The following SNX19 variants were observed in gnomAD, a reference collection of about 807,000 sequenced individuals.
The protein encoded by SNX19 is sorting nexin 19.
A neutral mutation model predicts 85.2 loss-of-function variants in SNX19; 60 were observed. That is an observed-to-expected ratio of 0.70 (90% CI 0.57 to 0.87). The LOEUF (loss-of-function observed/expected upper bound fraction) is 0.87, where lower values mean the gene tolerates loss of function less well. Ranked by LOEUF, SNX19 falls within the 40% of genes least tolerant of loss-of-function variation. The probability of loss-of-function intolerance (pLI) is 0.00; values close to 1 mark genes in which losing one functional copy is unlikely to be tolerated. For missense variants in SNX19, 1,201 were observed against 1,217.8 expected (o/e 0.99, Z 0.21); for synonymous variants, 520 against 470.0 (o/e 1.11, Z -1.38).
chr11:130,899,583 T>C (rs1945123242), intron 8 of SNX19, among the ~76,000 whole-genome samples: 1 of 152,248 alleles, frequency 6.6e-6, no homozygotes, highest in Non-Finnish European at 1.5e-5. Flanking sequence ...AGGAGACTGC[T>C]AACCAGATGT....
intron 8 of SNX19, among the ~76,000 whole-genome samples, chr11:130,882,736 ATGACC>A (rs1280424978): frequency 6.6e-6 from 1 of 152,224 alleles, no homozygotes; most frequent in Non-Finnish European, 1.5e-5. Context: ...GGTGGCTGCA[ATGACC>A]TGATCGGCTT....
Position 130,874,913 on chromosome 11 carries a change from G to T in SNX19, c.*3509C>A, listed in dbSNP as rs1029043849. On this transcript the variant is annotated 3_prime_UTR_variant, in exon 11 of 11. Coordinates refer to ENST00000265909, the MANE Select transcript of SNX19 (RefSeq NM_014758.3). ...AAACTGGAACCCTTGTACATTGTTG[G>T]TGGGAATGTAAAATGGTCTAGTCAC... is the stretch of plus-strand genomic sequence containing the variant. 1.3e-5 allele frequency among the ~76,000 whole-genome samples: 2 copies of T among 152,208 alleles called. No individual in the cohort carries two copies. Among genetic ancestry groups the T allele is most frequent in the Non-Finnish European group, 2.9e-5 (2 of 68,030 alleles).
At chr11:130,889,607 G>T (rs1944357447) in intron 8 of SNX19, among the ~76,000 whole-genome samples, 1 of 152,064 alleles carries the variant, frequency 6.6e-6, no homozygotes, top group Non-Finnish European at 1.5e-5. Flanking sequence ...ATCTCATTCT[G>T]TTACGCTCCT....
Position 130,873,744 on chromosome 11 carries a change from G to T in SNX19, c.*4678C>A, listed in dbSNP as rs980209466. Among the ~76,000 whole-genome samples, 1 of 152,164 alleles carries T rather than the reference G, an allele frequency of 6.6e-6. No homozygotes were observed. The highest frequency in any genetic ancestry group is 1.5e-5 in the Non-Finnish European group (1 of 68,032). On this transcript the variant is annotated 3_prime_UTR_variant, in exon 11 of 11. Transcript: ENST00000265909. Reference sequence around the variant, plus strand: ...AAGACTTTAAGTAATGCTCTCAGAAGATGTTAACTATTAGCTGGTACCAGG... The same window carrying T: ...AAGACTTTAAGTAATGCTCTCAGAATATGTTAACTATTAGCTGGTACCAGG...
Position 130,915,342 on chromosome 11 carries a change from G to T in SNX19, c.598C>A (p.Pro200Thr). The T allele has an allele frequency of 6.2e-7, 1 of 1,614,210 alleles. No homozygotes were observed. The highest frequency in any genetic ancestry group is 8.5e-7 in the Non-Finnish European group (1 of 1,180,036). The change falls in exon 1 of 11, where the codon CCT (proline) becomes ACT (threonine). Residue 200 changes from proline to threonine, a missense_variant. Coordinates refer to ENST00000265909, the MANE Select transcript of SNX19 (RefSeq NM_014758.3). The part of the protein sequence containing the change: ...EAYCRATAPH[P>T]AVHSPSAEVT... ...TCAGCACTGGGGCTGTGCACAGCAG[G>T]ATGTGGGGCAGTCGCCCGGCAGTAA...
intron 5 of SNX19, among the ~76,000 whole-genome samples, chr11:130,907,684 G>C (rs1252261505): frequency 6.6e-6 from 1 of 152,194 alleles, no homozygotes; most frequent in African/African-American, 2.4e-5. Context: ...CTAGTCAAAA[G>C]AGAATATTCT....
At position 130,872,903 on chromosome 11, in the gene SNX19, A is replaced by C. The variant is rs1436157483; in HGVS notation, c.*5519T>G. 6.6e-6 allele frequency among the ~76,000 whole-genome samples: 1 copy of C among 152,154 alleles called. No homozygotes were observed. The highest frequency in any genetic ancestry group is 2.4e-5 in the African/African-American group (1 of 41,444). ...CAGTGCAAAGTTAGATTGGACAAAC[A>C]GCCGGTGTGGAGGGGGCTGTGGGAG... On this transcript the variant is annotated 3_prime_UTR_variant, in exon 11 of 11. Transcript: ENST00000265909.
chr11:130,891,674 A>G (rs1944505329), intron 8 of SNX19, among the ~76,000 whole-genome samples: 1 of 152,148 alleles, frequency 6.6e-6, no homozygotes, highest in Admixed American at 6.5e-5. Context: ...ATGGGGGAGG[A>G]AAGACCAAAA....
Position 130,915,870 on chromosome 11 carries a change from A to G in SNX19, c.70T>C (p.Leu24=). The G allele has an allele frequency of 6.2e-7, 1 of 1,614,198 alleles. No homozygotes were observed. Among genetic ancestry groups the G allele is most frequent in the Non-Finnish European group, 8.5e-7 (1 of 1,180,032 alleles). The change falls in exon 1 of 11, where the codon TTG becomes CTG. Residue 24 remains leucine (L), a synonymous_variant. Transcript: ENST00000265909. ...ACAGCCATCAGCTTCCGGCTACTCA[A>G]CAGGTTATTGAGGTGACAGCTCGAT... ...AGSSCHLNNL[L]SSRKLMAVGV... is the part of the protein sequence containing the mutation.
intron 8 of SNX19, among the ~76,000 whole-genome samples, chr11:130,885,691 A>G (rs938491776): frequency 6.6e-6 from 1 of 152,218 alleles, no homozygotes; most frequent in Admixed American, 6.5e-5. Flanking sequence ...TATAAGGAAA[A>G]TAACAGGTCC....
chr11:130,888,263 T>C (rs1225159879), intron 8 of SNX19, among the ~76,000 whole-genome samples: 1 of 152,210 alleles, frequency 6.6e-6, no homozygotes, highest in Non-Finnish European at 1.5e-5. Context: ...TCTAGAGTTT[T>C]AACTACTCCT....
At chr11:130,884,341 G>C (rs1255929097) in intron 8 of SNX19, among the ~76,000 whole-genome samples, 1 of 152,140 alleles carries the variant, frequency 6.6e-6, no homozygotes, top group Non-Finnish European at 1.5e-5. Context: ...TTTCTACACT[G>C]CATCTTTCTA....
At chr11:130,882,877 C>T (rs1287993915) in intron 8 of SNX19, among the ~76,000 whole-genome samples, 2 of 152,208 alleles carry the variant, frequency 1.3e-5, no homozygotes, top group African/African-American at 4.8e-5. Flanking sequence ...GGGAGAGGGG[C>T]AAAGTCTTGC....
intron 8 of SNX19, among the ~76,000 whole-genome samples, chr11:130,900,690 T>C (rs137903114): frequency 0.013 from 1,936 of 152,250 alleles, 19 homozygotes; most frequent in Non-Finnish European, 0.022. Flanking sequence ...GAATAATTTC[T>C]CGTGTTCTGA....
rs1250799767 is a variant in SNX19 at position 130,869,517 on chromosome 11, A to G, written c.*8905T>C. The G allele has an allele frequency of 2.6e-5, 4 of 152,136 alleles. No individual in the cohort carries two copies. Among genetic ancestry groups the G allele is most frequent in the African/African-American group, 9.6e-5 (4 of 41,452 alleles). 9.4% of individuals were successfully genotyped at this position (152,136 alleles called of 1,614,324 possible). A position where few individuals can be genotyped will look rare whatever the true frequency, so the allele number is the denominator to read the frequency against. ...TATTGGGATCTCTAGGGGCTATTTT[A>G]TATTTTCCAATGTCTGAACTGTTTT... is the stretch of plus-strand genomic sequence containing the variant. On this transcript the variant is annotated 3_prime_UTR_variant, in exon 11 of 11. Transcript: ENST00000265909.
At position 130,911,791 on chromosome 11, in the gene SNX19, A is replaced by G. The variant is rs750697263; in HGVS notation, c.1675-20T>C. ...CTCGTACTGTTCAACGAACAAATTG[A>G]TTGACTCAATCAGCCGGGTTTCAGC... On this transcript the variant is annotated intron_variant, in intron 1 of 10. Coordinates refer to ENST00000265909, the MANE Select transcript of SNX19 (RefSeq NM_014758.3). 5.6e-6 allele frequency: 9 copies of G among 1,610,538 alleles called. No homozygotes were observed. Among genetic ancestry groups the G allele is most frequent in the Non-Finnish European group, 7.6e-6 (9 of 1,177,434 alleles).
intron 8 of SNX19, among the ~76,000 whole-genome samples, chr11:130,889,515 G>T (rs67649878): frequency 4.1e-5 from 5 of 122,606 alleles, no homozygotes; most frequent in Non-Finnish European, 7.7e-5. Context: ...TGAATGAATC[G>T]ATCCTGTTGC....
intron 8 of SNX19, among the ~76,000 whole-genome samples, chr11:130,882,217 T>G (rs897689068): frequency 4.6e-5 from 7 of 152,204 alleles, no homozygotes; most frequent in South Asian, 2.1e-4. Flanking sequence ...CCACCTCATT[T>G]AAGACTGACA....
At chr11:130,900,984 A>G (rs761523154) in intron 8 of SNX19, among the ~76,000 whole-genome samples, 20 of 152,232 alleles carry the variant, frequency 1.3e-4, no homozygotes, top group African/African-American at 3.1e-4. Flanking sequence ...GGCCCTGTAT[A>G]AGCTGCTGGG....
Sources: gnomAD v4.1 joint callset for allele counts (sites outside exome capture counted in the v4.1 genomes callset) on GRCh38, gnomAD v4.1.1 for gene constraint, MANE v1.5 for transcripts, NCBI Gene and HGNC (gene_info 2026-07-23, HGNC 2026-07-21) for gene names.